Variants in MAD1L1 observed in about 807,000 individuals in gnomAD.
MAD1L1 encodes mitotic spindle assembly checkpoint protein MAD1.
MAD1L1 carries 95 observed loss-of-function variants against 96.9 expected under a neutral mutation model. That is an observed-to-expected ratio of 0.98 (90% confidence interval 0.83 to 1.16). MAD1L1 has a LOEUF of 1.16. Ranked by LOEUF, MAD1L1 falls within the 50% of genes most tolerant of loss-of-function variation. The pLI, the probability that MAD1L1 is intolerant of heterozygous loss-of-function variation, is 0.00. For missense variants in MAD1L1, 1,007 were observed against 954.4 expected (o/e 1.06, Z -0.73); for synonymous variants, 473 against 396.6 (o/e 1.19, Z -2.29).
intron 10 of MAD1L1, among the ~76,000 whole-genome samples, chr7:2,173,406 C>T (rs552032783): frequency 1.3e-5 from 2 of 152,224 alleles, no homozygotes; most frequent in Non-Finnish European, 2.9e-5. Flanking sequence ...ACCACTCACA[C>T]TGAGGCCACA....
intron 10 of MAD1L1, among the ~76,000 whole-genome samples, chr7:2,204,838 G>A (rs918927293): frequency 6.6e-6 from 1 of 152,230 alleles, no homozygotes; most frequent in South Asian, 2.1e-4. Flanking sequence ...CACACCGTAA[G>A]TGTGTACAAA....
intron 12 of MAD1L1, among the ~76,000 whole-genome samples, chr7:2,027,429 A>G (rs974825788): frequency 1.3e-5 from 2 of 152,252 alleles, no homozygotes; most frequent in African/African-American, 2.4e-5. Flanking sequence ...TTTCTCCCCA[A>G]TAAATGCAGA....
intron 12 of MAD1L1, among the ~76,000 whole-genome samples, chr7:2,049,207 G>A (rs1046179557): frequency 3.3e-5 from 5 of 152,346 alleles, no homozygotes; most frequent in East Asian, 3.9e-4. Context: ...GGGAGCTGGC[G>A]CCAGGCACAA....
chr7:2,194,024 G>A (rs1791862739), intron 10 of MAD1L1, among the ~76,000 whole-genome samples: 1 of 133,552 alleles, frequency 7.5e-6, no homozygotes, highest in Admixed American at 9.1e-5. Flanking sequence ...GCTCACTGCA[G>A]CCTCGGCCTC....
chr7:1,845,695 A>G (rs1783580154), intron 18 of MAD1L1: 1 of 151,702 alleles, frequency 6.6e-6, no homozygotes, highest in Non-Finnish European at 1.5e-5. Flanking sequence ...TTCACGGGGA[A>G]GAGCGCTGTT....
intron 11 of MAD1L1, among the ~76,000 whole-genome samples, chr7:2,139,639 G>A (rs1034070576): frequency 1.3e-5 from 2 of 152,160 alleles, no homozygotes; most frequent in African/African-American, 2.4e-5. Flanking sequence ...CTTCAAGGCT[G>A]AGAACTCCAC....
chr7:1,900,297 G>A (rs1787166844), intron 17 of MAD1L1, among the ~76,000 whole-genome samples: 1 of 152,252 alleles, frequency 6.6e-6, no homozygotes, highest in Admixed American at 6.5e-5. Context: ...GACCACGTTA[G>A]CAGCATCCAG....
intron 18 of MAD1L1, among the ~76,000 whole-genome samples, chr7:1,872,185 T>G (rs1785147191): frequency 6.6e-6 from 1 of 152,202 alleles, no homozygotes; most frequent in Admixed American, 6.5e-5. Context: ...CAGGGCTGCC[T>G]GCAGGGTCAG....
Position 2,230,000 on chromosome 7 carries a change from T to C in MAD1L1, c.134A>G (p.Tyr45Cys). 6.2e-7 allele frequency: 1 copy of C among 1,613,000 alleles called. No homozygotes were observed. The highest frequency in any genetic ancestry group is 8.5e-7 in the Non-Finnish European group (1 of 1,180,008). ...TSAPGSLQMQ[Y>C]QQSMQLEERA... Reference sequence around the variant, plus strand: ...GCCACTCACCTGCATGCTCTGCTGGTACTGCATCTGCAGAGAACCTGGGGC... The same window carrying C: ...GCCACTCACCTGCATGCTCTGCTGGCACTGCATCTGCAGAGAACCTGGGGC... Residue 45 changes from tyrosine to cysteine, a missense_variant, in exon 3 of 19, where the codon TAC becomes TGC. Coordinates refer to ENST00000265854, the MANE Select transcript of MAD1L1 (RefSeq NM_001013836.2).
chr7:2,226,421 C>G (rs1307983487), intron 3 of MAD1L1, among the ~76,000 whole-genome samples: 3 of 151,594 alleles, frequency 2.0e-5, no homozygotes. Flanking sequence ...GCCTGCCACA[C>G]AGGACTAGTG....
intron 18 of MAD1L1, chr7:1,847,706 G>T (rs532275539): frequency 4.9e-5 from 23 of 470,360 alleles, no homozygotes; most frequent in South Asian, 3.3e-4. Context: ...CTCTGGGCAG[G>T]CCTGGGTTCC....
At chr7:2,073,622 C>T (rs1294253476) in intron 11 of MAD1L1, among the ~76,000 whole-genome samples, 1 of 151,556 alleles carries the variant, frequency 6.6e-6, no homozygotes, top group African/African-American at 2.5e-5. Flanking sequence ...AGCAGCTGAA[C>T]CTGGGCTTCC....
chr7:2,219,405 C>G lies in MAD1L1; in HGVS notation c.523G>C (p.Asp175His). The G allele has an allele frequency of 6.2e-7, 1 of 1,612,702 alleles. No individual in the cohort carries two copies. Among genetic ancestry groups the G allele is most frequent in the Non-Finnish European group, 8.5e-7 (1 of 1,179,536 alleles). The change falls in exon 6 of 19, where the codon GAC (aspartate) becomes CAC (histidine). Residue 175 changes from aspartate (D) to histidine (H), a missense_variant. Asp to His is a moderately conservative substitution (Grantham distance 81). Transcript: ENST00000265854. ...AGGCGCTTCACCCGCATCTCCTGGT[C>G]CATCACGCTCCACTGCAGTTCCGAG... ...RISELQWSVM[D>H]QEMRVKRLES...
chr7:2,127,518 G>A (rs549259243), intron 11 of MAD1L1, among the ~76,000 whole-genome samples: 4 of 152,152 alleles, frequency 2.6e-5, no homozygotes, highest in Non-Finnish European at 5.9e-5. Context: ...CGACCACACC[G>A]ACCGGTAGGA....
At chr7:2,041,333 C>T (rs544429649) in intron 12 of MAD1L1, among the ~76,000 whole-genome samples, 5 of 152,274 alleles carry the variant, frequency 3.3e-5, no homozygotes, top group Admixed American at 1.3e-4. Context: ...CCCTTTGGAA[C>T]GTAATCATCA....
chr7:1,885,454 C>CT (rs1785952731), intron 18 of MAD1L1, among the ~76,000 whole-genome samples: 2 of 150,884 alleles, frequency 1.3e-5, no homozygotes, highest in African/African-American at 4.9e-5. Context: ...TGCACTCAGA[C>CT]AGGAGAGAAG....
intron 4 of MAD1L1, among the ~76,000 whole-genome samples, chr7:2,223,084 T>C (rs1793696099): frequency 6.6e-6 from 1 of 152,182 alleles, no homozygotes; most frequent in Admixed American, 6.5e-5. Flanking sequence ...AAATTCAGCA[T>C]TGACCTTGGG....
Position 2,014,603 on chromosome 7 carries a change from T to A in MAD1L1, c.1258A>T (p.Ser420Cys). 6.2e-7 allele frequency: 1 copy of A among 1,612,512 alleles called. No homozygotes were observed. Among genetic ancestry groups the A allele is most frequent in the Non-Finnish European group, 8.5e-7 (1 of 1,179,742 alleles). ...GAGTACTCGGCCGGGGTCAGCTCGC[T>A]GTCGTAGGACCCCAGGATGGCCCGC... ...GMRAILGSYD[S>C]ELTPAEYSPQ... Residue 420 changes from serine (S) to cysteine (C), a missense_variant, in exon 13 of 19, where the codon AGC (serine) becomes TGC (cysteine). Transcript: ENST00000265854.
intron 14 of MAD1L1, 23 bp from the exon 15 acceptor site, chr7:1,980,564 G>A: frequency 6.3e-7 from 1 of 1,595,538 alleles, no homozygotes. Flanking sequence ...AAAGGATAGA[G>A]GGTCAGCAGA....
Sources: gnomAD v4.1 joint callset for allele counts (sites outside exome capture counted in the v4.1 genomes callset) on GRCh38, gnomAD v4.1.1 for gene constraint, MANE v1.5 for transcripts, NCBI Gene and HGNC (gene_info 2026-07-23, HGNC 2026-07-21) for gene names.